The following SCPEP1 variants were observed in gnomAD, a reference collection of about 807,000 sequenced individuals.
The protein encoded by SCPEP1 is serine carboxypeptidase 1.
SCPEP1 carries 51 observed loss-of-function variants against 63.8 expected under a neutral mutation model. The observed-to-expected ratio is 0.80, with a 90% CI of 0.64 to 1.01. SCPEP1 has a LOEUF of 1.01. Among genes scored for constraint, SCPEP1 ranks in the 50% least tolerant of loss-of-function variants. The pLI is 0.00. For missense variants in SCPEP1, 499 were observed against 554.9 expected (o/e 0.90, Z 1.01); for synonymous variants, 204 against 207.8 (o/e 0.98, Z 0.16).
At chr17:57,005,008 CAGCAACAGCA>C (rs770486228) in intron 12 of SCPEP1, among the ~76,000 whole-genome samples, 3 of 152,244 alleles carry the variant, frequency 2.0e-5, no homozygotes, top group Non-Finnish European at 2.9e-5. Context: ...TGCTAGACAA[CAGCAACAGCA>C]AGCAACAGCA....
In SCPEP1 at chr17:57,006,747, T is replaced by TG; in HGVS notation, c.*513dup. 1 of 152,356 alleles carries TG rather than the reference T, an allele frequency of 6.6e-6. No homozygotes were observed. The highest frequency in any genetic ancestry group is 1.5e-5 in the Non-Finnish European group (1 of 68,040). 9.4% of individuals were successfully genotyped at this position (152,356 alleles called of 1,614,324 possible). A position where few individuals can be genotyped will look rare whatever the true frequency, so the allele number is the denominator to read the frequency against. ...TGAAACACCTTTTCATGTCAATAAA[T>TG]GTTCTTCTCTAACATTTTTAATGGC... On this transcript the variant is annotated 3_prime_UTR_variant, in exon 13 of 13. Coordinates refer to ENST00000262288, the MANE Select transcript of SCPEP1 (RefSeq NM_021626.3).
At chr17:56,986,794 C>T (rs1218041282) in intron 3 of SCPEP1, among the ~76,000 whole-genome samples, 2 of 152,134 alleles carry the variant, frequency 1.3e-5, no homozygotes, top group East Asian at 1.9e-4. Context: ...ATCCTCCCAC[C>T]TCAGCCTCCC....
intron 6 of SCPEP1, among the ~76,000 whole-genome samples, chr17:56,993,065 A>G (rs1911446315): frequency 6.6e-6 from 1 of 152,194 alleles, no homozygotes; most frequent in Admixed American, 6.5e-5. Flanking sequence ...CTTGCTAGGT[A>G]GTAGATACTG....
At chr17:57,005,556 G>A (rs1317392336) in intron 12 of SCPEP1, among the ~76,000 whole-genome samples, 2 of 152,130 alleles carry the variant, frequency 1.3e-5, no homozygotes, top group African/African-American at 2.4e-5. Flanking sequence ...ATTACATAAC[G>A]GGGAGACCAT....
chr17:57,006,507 A>G lies in SCPEP1; in HGVS notation c.*272A>G, dbSNP rs1222049850. ...AATAGATATTATTTTTTCTTATGAC[A>G]GAAGCAAATGATGTGATTTATAGAA... is the stretch of plus-strand genomic sequence containing the variant. On this transcript the variant is annotated 3_prime_UTR_variant, in exon 13 of 13. Coordinates refer to ENST00000262288, the MANE Select transcript of SCPEP1 (RefSeq NM_021626.3). 5 of 257,340 alleles carry G rather than the reference A, an allele frequency of 1.9e-5. No individual in the cohort carries two copies. In the Admixed American group the frequency reaches 2.1e-4, roughly 11 times the overall value. 15.9% of individuals were successfully genotyped at this position (257,340 alleles called of 1,614,324 possible). A position where few individuals can be genotyped will look rare whatever the true frequency, so the allele number is the denominator to read the frequency against.
At chr17:56,995,916 G>C (rs1911544432) in intron 8 of SCPEP1, 1 of 193,462 alleles carries the variant, frequency 5.2e-6, no homozygotes, top group African/African-American at 2.3e-5. Flanking sequence ...AGAGGTGAGT[G>C]TGTGGAGAAA....
At chr17:56,992,809 A>G (rs1476323675) in intron 6 of SCPEP1, among the ~76,000 whole-genome samples, 1 of 152,150 alleles carries the variant, frequency 6.6e-6, no homozygotes, top group Non-Finnish European at 1.5e-5. Flanking sequence ...AATCCAAGCA[A>G]CCTAACCACC....
chr17:56,985,103 T>TGAAAAGAAAAGAAAA (rs3056052), intron 2 of SCPEP1: 53 of 382,724 alleles, frequency 1.4e-4, no homozygotes, highest in Middle Eastern at 7.9e-4. Flanking sequence ...AGACTCTGTC[T>TGAAAAGAAAAGAAAA]GAAAAGAAAA....
intron 5 of SCPEP1, among the ~76,000 whole-genome samples, chr17:56,989,282 A>G (rs561862080): frequency 2.0e-5 from 3 of 152,250 alleles, no homozygotes; most frequent in African/African-American, 7.2e-5. Context: ...GCCTTTAGAC[A>G]TAAGAAAAAT....
chr17:57,006,186 A>G lies in SCPEP1; in HGVS notation c.1310A>G (p.Gln437Arg). ...GTTTTTTTCTAGGTTCCTTCTGACC[A>G]AGGGGACATGGCTCTGAAGATGATG... ...LKAGHMVPSD[Q>R]GDMALKMMRL... is the part of the protein sequence containing the mutation. The change falls in exon 13 of 13, where the codon CAA (glutamine) becomes CGA (arginine). Residue 437 changes from glutamine to arginine, a missense_variant. Gln to Arg is a conservative substitution (Grantham distance 43). Transcript: ENST00000262288. The G allele has an allele frequency of 6.2e-7, 1 of 1,611,360 alleles. No individual in the cohort carries two copies. The highest frequency in any genetic ancestry group is 8.5e-7 in the Non-Finnish European group (1 of 1,178,806).
rs1025280656 is a variant in SCPEP1 at position 57,000,871 on chromosome 17, C to T, written c.1011C>T (p.Val337=). 5.0e-6 allele frequency: 8 copies of T among 1,614,052 alleles called. No homozygotes were observed. Among genetic ancestry groups the T allele is most frequent in the Non-Finnish European group, 5.9e-6 (7 of 1,180,048 alleles). The stretch of plus-strand genomic sequence containing the variant: ...CATGTGCAGGCCAGGCTACCAACGT[C>T]TTTGTGAACATGGAGGAGGACTTCA... ...DQSWGGQATN[V]FVNMEEDFMK... Residue 337 remains valine, a synonymous_variant, in exon 11 of 13, where the codon GTC becomes GTT. Coordinates refer to ENST00000262288, the MANE Select transcript of SCPEP1 (RefSeq NM_021626.3).
intron 12 of SCPEP1, among the ~76,000 whole-genome samples, 186 bp from the exon 13 acceptor site, chr17:57,005,987 G>A (rs575949211): frequency 6.6e-6 from 1 of 152,304 alleles, no homozygotes; most frequent in East Asian, 1.9e-4. Context: ...GGGCCCAGAA[G>A]AGCTTTCATC....
intron 12 of SCPEP1, among the ~76,000 whole-genome samples, chr17:57,003,639 A>G (rs577720791): frequency 1.3e-5 from 2 of 152,292 alleles, no homozygotes; most frequent in South Asian, 2.1e-4. Context: ...GAGCAGCCAG[A>G]TAAGTGAGAA....
chr17:56,998,329 G>T, intron 9 of SCPEP1, 56 bp from the exon 10 acceptor site: 553 of 895,698 alleles, frequency 6.2e-4, no homozygotes, highest in Non-Finnish European at 8.9e-4. Context: ...AAAAAAAGAT[G>T]TCCTCTTGGC....
At chr17:56,983,780 G>A (rs1191557929) in intron 2 of SCPEP1, 1 of 151,538 alleles carries the variant, frequency 6.6e-6, no homozygotes, top group African/African-American at 2.4e-5. Flanking sequence ...TTCCCTTTTG[G>A]GGCCCTCTTG....
chr17:56,983,700 G>A (rs140406352), intron 2 of SCPEP1: 1 of 152,206 alleles, frequency 6.6e-6, no homozygotes, highest in Non-Finnish European at 1.5e-5. Flanking sequence ...ATGATCAGGG[G>A]GATGTATAGC....
intron 10 of SCPEP1, among the ~76,000 whole-genome samples, chr17:56,999,388 C>G (rs2144505137): frequency 6.6e-6 from 1 of 152,292 alleles, no homozygotes; most frequent in Non-Finnish European, 1.5e-5. Context: ...TAAGTTCCTA[C>G]TTTAGTCCTA....
chr17:57,004,427 G>A (rs1385996519), intron 12 of SCPEP1, among the ~76,000 whole-genome samples: 1 of 152,184 alleles, frequency 6.6e-6, no homozygotes, highest in East Asian at 1.9e-4. Context: ...CACAGAGGGA[G>A]AGGGCATTAT....
chr17:56,998,788 TAA>T (rs574095340), intron 10 of SCPEP1, among the ~76,000 whole-genome samples: 1 of 151,744 alleles, frequency 6.6e-6, no homozygotes, highest in Admixed American at 6.6e-5. Flanking sequence ...CCCATCTCTT[TAA>T]AAAAATAGAA....
Sources: gnomAD v4.1 joint callset for allele counts (sites outside exome capture counted in the v4.1 genomes callset) on GRCh38, gnomAD v4.1.1 for gene constraint, MANE v1.5 for transcripts, NCBI Gene and HGNC (gene_info 2026-07-23, HGNC 2026-07-21) for gene names.